The following RGS7 variants were observed in gnomAD, a reference collection of about 807,000 sequenced individuals.
The protein encoded by RGS7 is regulator of G protein signaling 7.
Under a neutral mutation model 81.1 loss-of-function variants are expected in RGS7, and 27 were observed. That is an observed-to-expected ratio of 0.33 (90% CI 0.25 to 0.46). The LOEUF (loss-of-function observed/expected upper bound fraction) is 0.46, where lower values mean the gene tolerates loss of function less well. RGS7 is among the 20% of genes least tolerant of loss of function. RGS7 has a pLI of 1.00. For synonymous variants in RGS7, 208 were observed against 207.7 expected, an observed-to-expected ratio of 1.00 and a Z score of -0.01; for missense variants, 396 against 607.4, an observed-to-expected ratio of 0.65 and a Z score of 3.66.
chr1:240,954,061 G>C (rs1558517715), intron 4 of RGS7, among the ~76,000 whole-genome samples: 1 of 151,886 alleles, frequency 6.6e-6, no homozygotes, highest in Non-Finnish European at 1.5e-5. Context: ...AGATGAAATG[G>C]GTAGCCTGAA....
intron 4 of RGS7, among the ~76,000 whole-genome samples, chr1:240,965,243 A>T (rs944203869): frequency 1.4e-4 from 22 of 152,204 alleles, no homozygotes; most frequent in Admixed American, 9.8e-4. Context: ...ATAATTCCAC[A>T]GAAGCCCCTT....
intron 2 of RGS7, among the ~76,000 whole-genome samples, chr1:241,229,962 G>C (rs1217601436): frequency 6.6e-6 from 1 of 152,152 alleles, no homozygotes; most frequent in Non-Finnish European, 1.5e-5. Context: ...AGATAACCTC[G>C]GAAGTTCAGC....
intron 2 of RGS7, among the ~76,000 whole-genome samples, chr1:241,127,876 T>C (rs1260288438): frequency 6.6e-6 from 1 of 152,148 alleles, no homozygotes; most frequent in East Asian, 1.9e-4. Flanking sequence ...AAGAGGATGA[T>C]AAATTTCAAC....
intron 2 of RGS7, among the ~76,000 whole-genome samples, chr1:241,195,134 T>TA (rs2072969502): frequency 6.6e-6 from 1 of 152,188 alleles, no homozygotes; most frequent in Non-Finnish European, 1.5e-5. Flanking sequence ...CCTTGCAAGT[T>TA]TTCATCTAAA....
rs1441936337 is a variant in RGS7, at chr1:241,088,031, TATATATACAC to T, written c.175+10625_175+10634del. ...ACATATATATATACACACACACATA[TATATATACAC>T]ACATATATATATATACACACACACA... On this transcript the variant is annotated intron_variant, in intron 3 of 18. Transcript: ENST00000440928. Among the ~76,000 whole-genome samples, 168 of 91,910 alleles carry T rather than the reference TATATATACAC, an allele frequency of 1.8e-3. 2 individuals are homozygous for T. The highest frequency in any genetic ancestry group is 0.011 in the African/African-American group (161 of 14,372). The allele number at this position is 91,910 out of a possible 152,430, so 60.3% of individuals were successfully genotyped here.
chr1:240,975,204 C>T (rs775614873), intron 4 of RGS7, among the ~76,000 whole-genome samples: 1 of 152,070 alleles, frequency 6.6e-6, no homozygotes, highest in Non-Finnish European at 1.5e-5. Context: ...GAGATCGAGA[C>T]CATCCTGGCC....
At chr1:241,022,959 T>G (rs2059611312) in intron 3 of RGS7, among the ~76,000 whole-genome samples, 1 of 152,022 alleles carries the variant, frequency 6.6e-6, no homozygotes, top group Non-Finnish European at 1.5e-5. Context: ...TAATTAATAA[T>G]AACTAATAAC....
intron 4 of RGS7, among the ~76,000 whole-genome samples, chr1:240,976,236 G>A (rs1271938193): frequency 1.3e-5 from 2 of 152,212 alleles, no homozygotes; most frequent in Non-Finnish European, 2.9e-5. Context: ...ATTAGTTGCT[G>A]TGCCCCCAGA....
At chr1:241,112,231 T>C (rs1372952514) in intron 2 of RGS7, among the ~76,000 whole-genome samples, 4 of 152,052 alleles carry the variant, frequency 2.6e-5, no homozygotes, top group African/African-American at 4.8e-5. Context: ...TATCAAGAAA[T>C]GTTACTTAAG....
intron 14 of RGS7, among the ~76,000 whole-genome samples, chr1:240,807,229 T>TTCA: frequency 6.6e-6 from 1 of 152,358 alleles, no homozygotes. Flanking sequence ...TGCTCTAGGC[T>TTCA]AGAGCTTGCT....
chr1:240,905,590 A>G (rs1670692616), intron 6 of RGS7, among the ~76,000 whole-genome samples: 1 of 152,250 alleles, frequency 6.6e-6, no homozygotes, highest in South Asian at 2.1e-4. Context: ...AAGCCCAGTT[A>G]GTCTGATTCC....
chr1:241,242,287 C>T (rs1432906320), intron 2 of RGS7, among the ~76,000 whole-genome samples: 1 of 145,044 alleles, frequency 6.9e-6, no homozygotes, highest in Non-Finnish European at 1.5e-5. Flanking sequence ...GCCATTATTC[C>T]GTTCCTTTCT....
At chr1:241,291,181 T>C (rs1220583020) in intron 2 of RGS7, among the ~76,000 whole-genome samples, 1 of 152,164 alleles carries the variant, frequency 6.6e-6, no homozygotes, top group Non-Finnish European at 1.5e-5. Context: ...CCAGGTGATA[T>C]AAGAACACAA....
intron 9 of RGS7, among the ~76,000 whole-genome samples, chr1:240,866,637 T>C (rs1663343136): frequency 6.6e-6 from 1 of 152,118 alleles, no homozygotes; most frequent in Admixed American, 6.5e-5. Context: ...TGGAGGCCTC[T>C]TGGATAACAC....
Position 240,780,464 on chromosome 1 carries a change from A to T in RGS7, c.*7-4251T>A, listed in dbSNP as rs76571681. 4.8e-5 allele frequency among the ~76,000 whole-genome samples: 7 copies of T among 146,032 alleles called. No homozygotes were observed. In the East Asian group the frequency reaches 1.4e-3, roughly 28 times the overall value. ...CAAAAAAAAAAAAAAAAAAAAAAAA[A>T]AGTGCTTCCTCTTTGTGGGATGAAG... On this transcript the variant is annotated intron_variant, in intron 18 of 18. Coordinates refer to ENST00000440928, the MANE Select transcript of RGS7 (RefSeq NM_001364886.1).
intron 2 of RGS7, among the ~76,000 whole-genome samples, chr1:241,270,439 C>T (rs1040923363): frequency 3.9e-5 from 6 of 152,190 alleles, no homozygotes; most frequent in Non-Finnish European, 8.8e-5. Flanking sequence ...CCTTGCATTG[C>T]AAATCCTACA....
At chr1:240,935,414 G>C (rs1416576708) in intron 5 of RGS7, among the ~76,000 whole-genome samples, 1 of 152,156 alleles carries the variant, frequency 6.6e-6, no homozygotes, top group Non-Finnish European at 1.5e-5. Flanking sequence ...TACCATTAGT[G>C]TAAGTTTTGC....
At chr1:240,785,403 T>C (rs1684898079) in intron 18 of RGS7, among the ~76,000 whole-genome samples, 1 of 152,238 alleles carries the variant, frequency 6.6e-6, no homozygotes, top group African/African-American at 2.4e-5. Flanking sequence ...CCTCTTTGAA[T>C]TCTTCTTGCT....
intron 9 of RGS7, among the ~76,000 whole-genome samples, chr1:240,844,386 T>G (rs2147896056): frequency 6.6e-6 from 1 of 152,282 alleles, no homozygotes; most frequent in East Asian, 1.9e-4. Flanking sequence ...AGCTGTTGGC[T>G]CTTAAGACCT....
Sources: allele counts gnomAD v4.1 joint callset (sites outside exome capture counted in the v4.1 genomes callset), GRCh38; gene constraint gnomAD v4.1.1; transcripts MANE v1.5; gene names NCBI Gene and HGNC (gene_info 2026-07-23, HGNC 2026-07-21).